Variants in NDUFAF7 observed in about 807,000 individuals in gnomAD.
NDUFAF7 encodes protein arginine methyltransferase NDUFAF7, mitochondrial.
A neutral mutation model predicts 47.2 loss-of-function variants in NDUFAF7; 48 were observed. The ratio of observed to expected loss-of-function variants is 1.02; its 90% CI spans 0.81 to 1.29. NDUFAF7 has a LOEUF of 1.29. Among genes scored for constraint, NDUFAF7 ranks in the 50% most tolerant of loss-of-function variants. The pLI is 0.00. For synonymous variants in NDUFAF7, 217 were observed against 190.0 expected, an observed-to-expected ratio of 1.14 and a Z score of -1.17; for missense variants, 635 against 537.6, an observed-to-expected ratio of 1.18 and a Z score of -1.79.
At position 37,232,527 on chromosome 2, in the gene NDUFAF7, G is replaced by T. The variant is rs3755195; in HGVS notation, c.216+261G>T. 0.32 allele frequency among the ~76,000 whole-genome samples: 48,699 copies of T among 152,102 alleles called. 8,743 individuals are homozygous for T. The highest frequency in any genetic ancestry group is 0.4 in the East Asian group (2,088 of 5,168). On this transcript the variant is annotated intron_variant, in intron 2 of 9. Transcript: ENST00000002125. ...GTAGCTGATTGGATTTATGATGCGG[G>T]AAGGATGACTTTCCTACTTGGCTGA...
At chr2:37,259,327 T>C in the NDUFAF7 span, among the ~76,000 whole-genome samples, 1 of 152,232 alleles carries the variant, frequency 6.6e-6, no homozygotes, top group African/African-American at 2.4e-5. Flanking sequence ...CTCACTTCGT[T>C]CCCAGCCCCT....
the NDUFAF7 span, chr2:37,269,207 A>C: frequency 5.2e-6 from 1 of 192,106 alleles, no homozygotes; most frequent in Admixed American, 5.4e-5. Context: ...TTTCAGGTTC[A>C]GGTTTTCAGA....
chr2:37,260,470 G>A, the NDUFAF7 span: 9 of 1,225,488 alleles, frequency 7.3e-6, no homozygotes, highest in East Asian at 2.2e-4. Flanking sequence ...TGTCTGAAAT[G>A]GCACAGAAAG....
At chr2:37,262,500 C>T in the NDUFAF7 span, among the ~76,000 whole-genome samples, 1 of 152,116 alleles carries the variant, frequency 6.6e-6, no homozygotes. Context: ...GATCGTTTTC[C>T]AAGCAGCAAA....
intron 1 of NDUFAF7, 60 bp downstream of exon 1, chr2:37,231,820 A>G: frequency 1.9e-6 from 3 of 1,609,862 alleles, no homozygotes; most frequent in Non-Finnish European, 2.5e-6. Context: ...CGCCTTCCTC[A>G]GCTCTTCAGT....
the NDUFAF7 span, chr2:37,267,465 C>G: frequency 1.5e-5 from 24 of 1,607,580 alleles, no homozygotes; most frequent in Non-Finnish European, 1.8e-5. Context: ...AGTTGACTTT[C>G]TTGTTTTGTG....
chr2:37,256,497 G>A (rs950113063), downstream of NDUFAF7, among the ~76,000 whole-genome samples: 1 of 152,090 alleles, frequency 6.6e-6, no homozygotes, highest in Non-Finnish European at 1.5e-5. Flanking sequence ...AGTATAAAAA[G>A]AAGAGTGCTC....
chr2:37,258,271 A>G (rs1399007449), downstream of NDUFAF7, among the ~76,000 whole-genome samples: 3 of 152,222 alleles, frequency 2.0e-5, no homozygotes, highest in South Asian at 4.1e-4. Flanking sequence ...TATGAATGAT[A>G]TTTGCTCAAA....
chr2:37,267,816 T>C, the NDUFAF7 span: 2 of 338,836 alleles, frequency 5.9e-6, no homozygotes, highest in Middle Eastern at 8.8e-4. Flanking sequence ...AAATCAATGA[T>C]AGTTAATTAC....
chr2:37,268,402 T>C, the NDUFAF7 span: 6 of 467,952 alleles, frequency 1.3e-5, no homozygotes, highest in Admixed American at 2.4e-5. Flanking sequence ...ATATTATATA[T>C]GCATGCAGAG....
the NDUFAF7 span, chr2:37,260,440 A>G: frequency 3.4e-6 from 5 of 1,462,798 alleles, no homozygotes; most frequent in African/African-American, 2.8e-5. Flanking sequence ...AGTTTTACTA[A>G]TATCTAGATG....
At chr2:37,236,953 T>G (rs1178461631) in intron 3 of NDUFAF7, among the ~76,000 whole-genome samples, 1 of 152,092 alleles carries the variant, frequency 6.6e-6, no homozygotes, top group Non-Finnish European at 1.5e-5. Context: ...TAGCCGTACT[T>G]ACAGTAAAAG....
intron 2 of NDUFAF7, among the ~76,000 whole-genome samples, chr2:37,233,004 C>T (rs1016943925): frequency 2.0e-5 from 3 of 152,124 alleles, no homozygotes; most frequent in Non-Finnish European, 4.4e-5. Flanking sequence ...TACCCAAGGC[C>T]GGTATCTTTC....
chr2:37,239,270 C>T (rs1274218200), intron 4 of NDUFAF7, among the ~76,000 whole-genome samples: 1 of 152,166 alleles, frequency 6.6e-6, no homozygotes, highest in East Asian at 1.9e-4. Flanking sequence ...AGGCGTGGAT[C>T]ACTACACCCG....
chr2:37,235,152 A>G (rs1190581015), intron 2 of NDUFAF7, among the ~76,000 whole-genome samples: 1 of 152,030 alleles, frequency 6.6e-6, no homozygotes, highest in African/African-American at 2.4e-5. Flanking sequence ...GCTAGGTGGC[A>G]TTTGAGCAGA....
chr2:37,257,437 G>A (rs577106756), downstream of NDUFAF7, among the ~76,000 whole-genome samples: 176 of 152,038 alleles, frequency 1.2e-3, no homozygotes, highest in Non-Finnish European at 1.8e-3. Flanking sequence ...AGGCCGAGGC[G>A]GGCGGATCAC....
chr2:37,256,628 A>ATTTTTT (rs56389006), downstream of NDUFAF7: 29 of 1,202,288 alleles, frequency 2.4e-5, no homozygotes, highest in East Asian at 3.4e-4. Flanking sequence ...CATAGCCAAA[A>ATTTTTT]TTTTTTTTTT....
chr2:37,231,939 A>T, intron 1 of NDUFAF7, 167 bp from the exon 2 acceptor site: 1 of 1,597,838 alleles, frequency 6.3e-7, no homozygotes, highest in Non-Finnish European at 8.5e-7. Context: ...GTCGTGGGCA[A>T]GTGGGTGCTG....
At chr2:37,262,169 A>G in the NDUFAF7 span, among the ~76,000 whole-genome samples, 1 of 152,096 alleles carries the variant, frequency 6.6e-6, no homozygotes. Flanking sequence ...TTTTTCCTTA[A>G]TATGGCTAGC....
Sources: gnomAD v4.1 joint callset for allele counts (sites outside exome capture counted in the v4.1 genomes callset) on GRCh38, gnomAD v4.1.1 for gene constraint, MANE v1.5 for transcripts, NCBI Gene and HGNC (gene_info 2026-07-23, HGNC 2026-07-21) for gene names.